LBHD1: variants seen among roughly 807,000 people sequenced by gnomAD.
The protein encoded by LBHD1 is LBH domain-containing protein 1.
Under a neutral mutation model 31.1 loss-of-function variants are expected in LBHD1, and 28 were observed. The observed-to-expected ratio is 0.90, with a 90% CI of 0.67 to 1.24. LBHD1 has a LOEUF of 1.24. Ranked by LOEUF, LBHD1 falls within the 50% of genes most tolerant of loss-of-function variation. LBHD1 has a pLI of 0.00. For missense variants in LBHD1, 350 were observed against 323.0 expected, an observed-to-expected ratio of 1.08 and a Z score of -0.64; for synonymous variants, 105 against 116.5, an observed-to-expected ratio of 0.90 and a Z score of 0.63.
intron 1 of LBHD1, 180 bp downstream of exon 1, chr11:62,671,384 G>A: frequency 7.9e-7 from 1 of 1,269,128 alleles, no homozygotes. Context: ...GCACAGCTCG[G>A]GCCTCTACTG....
chr11:62,671,546 C>G lies in LBHD1; in HGVS notation c.-11+18G>C, dbSNP rs1381617717. ...TGGTGCCAGCACTTCTTGGACACCT[C>G]AACCCCCTCAGCTAAACCTGAGATC... On this transcript the variant is annotated intron_variant, in intron 1 of 6. Transcript: ENST00000354588. 8.4e-6 allele frequency: 12 copies of G among 1,423,380 alleles called. No homozygotes were observed. Among genetic ancestry groups the G allele is most frequent in the Non-Finnish European group, 1.1e-5 (12 of 1,091,078 alleles). 88.2% of individuals were successfully genotyped at this position (1,423,380 alleles called of 1,614,324 possible).
rs994284811 is a variant in LBHD1 at position 62,664,781 on chromosome 11, C to A, written c.663+68G>T. 5.9e-6 allele frequency: 9 copies of A among 1,533,044 alleles called. No homozygotes were observed. In the African/African-American group the frequency reaches 1.2e-4, roughly 21 times the overall value. The allele number at this position is 1,533,044 out of a possible 1,614,324, so 95.0% of individuals were successfully genotyped here. On this transcript the variant is annotated intron_variant, in intron 5 of 6. Transcript: ENST00000354588. ...AGGTGAGCTGAGAGGTGAAGCTGCTCCGGAGCTCTGCAGGGAGGAAGGAAG... is the reference window on the plus strand; with the variant it reads ...AGGTGAGCTGAGAGGTGAAGCTGCTACGGAGCTCTGCAGGGAGGAAGGAAG...
In LBHD1 at chr11:62,669,497, T is replaced by C; in HGVS notation, c.313+144A>G. The C allele has an allele frequency of 2.0e-6, 3 of 1,498,988 alleles. No individual in the cohort carries two copies. In the South Asian group the frequency reaches 4.1e-5, roughly 21 times the overall value. 92.9% of individuals were successfully genotyped at this position (1,498,988 alleles called of 1,614,324 possible). A position where few individuals can be genotyped will look rare whatever the true frequency, so the allele number is the denominator to read the frequency against. ...CAATTCATCAACTTTGCCAGCTGCC[T>C]TTTCTCTCCCACATCTTCACATTTA... On this transcript the variant is annotated intron_variant, in intron 3 of 6. Coordinates refer to ENST00000354588, the MANE Select transcript of LBHD1 (RefSeq NM_024099.5).
chr11:62,664,994 A>C, intron 4 of LBHD1, 21 bp from the exon 5 acceptor site: 1 of 1,607,812 alleles, frequency 6.2e-7, no homozygotes, highest in Non-Finnish European at 8.5e-7. Flanking sequence ...GAAAGATGCG[A>C]ATCAGATGGA....
chr11:62,665,769 CT>C, intron 4 of LBHD1: 1 of 1,526,108 alleles, frequency 6.6e-7, no homozygotes, highest in Non-Finnish European at 8.8e-7. Context: ...TGTACGCCGC[CT>C]TTCGCTACGC....
intron 3 of LBHD1, chr11:62,668,560 C>G (rs559001252): frequency 1.3e-5 from 2 of 151,614 alleles, no homozygotes; most frequent in South Asian, 4.2e-4. Flanking sequence ...GCCTGTAATC[C>G]CAGCACTTTG....
intron 4 of LBHD1, chr11:62,666,480 T>C (rs1944816148): frequency 1.9e-6 from 3 of 1,613,866 alleles, no homozygotes; most frequent in Admixed American, 1.7e-5. Context: ...GTCCCCACCT[T>C]CGACTGGTTC....
rs147820734 is a variant in LBHD1, at chr11:62,664,031, C to A, written c.664-698G>T. On this transcript the variant is annotated intron_variant, in intron 5 of 6. Coordinates refer to ENST00000354588, the MANE Select transcript of LBHD1 (RefSeq NM_024099.5). ...GGGGTTGCAGTGAGCCGAGATCATG[C>A]CACTTCACTCCAGCCTGGGCAACAG... Among the ~76,000 whole-genome samples, 321 of 146,814 alleles carry A rather than the reference C, an allele frequency of 2.2e-3. 2 individuals carry two copies. The highest frequency in any genetic ancestry group is 7.6e-3 in the African/African-American group (302 of 39,932).
chr11:62,665,751 G>A (rs2134620622), intron 4 of LBHD1: 2 of 1,494,890 alleles, frequency 1.3e-6, no homozygotes, highest in Non-Finnish European at 1.8e-6. Flanking sequence ...TGCAGAGTTC[G>A]GGGAAGCTGT....
At position 62,664,653 on chromosome 11, in the gene LBHD1, C is replaced by A. The variant is rs150428897; in HGVS notation, c.663+196G>T. Among the ~76,000 whole-genome samples, 112 of 152,192 alleles carry A rather than the reference C, an allele frequency of 7.4e-4. 2 individuals carry two copies. The East Asian group carries it at 0.019, about 26-fold the overall frequency. ...GCTTTCCTGAGATTCTTAACAGAAT[C>A]CAAAACCCAAAGAAAGGTTGTCTGC... On this transcript the variant is annotated intron_variant, in intron 5 of 6. Coordinates refer to ENST00000354588, the MANE Select transcript of LBHD1 (RefSeq NM_024099.5).
rs1053554858 is a variant in LBHD1, at chr11:62,662,946, G to A, written c.*183C>T. On this transcript the variant is annotated 3_prime_UTR_variant, in exon 7 of 7. Coordinates refer to ENST00000354588, the MANE Select transcript of LBHD1 (RefSeq NM_024099.5). Reference sequence around the variant, plus strand: ...AGGTCAGTAGGCCATTAGGTAGGAGGAAATCTGGAGAGTGAAAAGGGGCCT... The same window carrying A: ...AGGTCAGTAGGCCATTAGGTAGGAGAAAATCTGGAGAGTGAAAAGGGGCCT... 2.3e-6 allele frequency: 2 copies of A among 867,772 alleles called. No homozygotes were observed. Among genetic ancestry groups the A allele is most frequent in the Middle Eastern group, 7.1e-4 (2 of 2,802 alleles). The allele number at this position is 867,772 out of a possible 1,614,324, so 53.8% of individuals were successfully genotyped here. A position where few individuals can be genotyped will look rare whatever the true frequency, so the allele number is the denominator to read the frequency against.
intron 3 of LBHD1, among the ~76,000 whole-genome samples, chr11:62,669,021 G>C (rs1944890897): frequency 6.6e-6 from 1 of 151,276 alleles, no homozygotes; most frequent in African/African-American, 2.4e-5. Context: ...CCACATCCCG[G>C]GTTCACGCCA....
In LBHD1 at chr11:62,671,795, G is replaced by A; in HGVS notation, c.-242C>T. ...ATCTCAGTCGCAATGCTGGGCGCAG[G>A]GGCTGGCGTGGGCTACGCGCTCCTC... is the stretch of plus-strand genomic sequence containing the variant. On this transcript the variant is annotated 5_prime_UTR_variant, in exon 1 of 7. Transcript: ENST00000354588. 3 of 1,614,148 alleles carry A rather than the reference G, an allele frequency of 1.9e-6. No homozygotes were observed. Among genetic ancestry groups the A allele is most frequent in the Non-Finnish European group, 1.7e-6 (2 of 1,180,030 alleles).
At chr11:62,665,925 G>A in intron 4 of LBHD1, 1 of 1,613,000 alleles carries the variant, frequency 6.2e-7, no homozygotes, top group South Asian at 1.1e-5. Flanking sequence ...CCTGATGATG[G>A]GGACGTGCCG....
In LBHD1 at chr11:62,663,041, G is replaced by T; in HGVS notation, c.*88C>A. On this transcript the variant is annotated 3_prime_UTR_variant, in exon 7 of 7. Coordinates refer to ENST00000354588, the MANE Select transcript of LBHD1 (RefSeq NM_024099.5). The stretch of plus-strand genomic sequence containing the variant: ...TGGCTCCAGTTGAGAATCTTCTAGT[G>T]GAAGAGGTTTAGCTCTCATCTTCAA... The T allele has an allele frequency of 6.4e-7, 1 of 1,554,186 alleles. No individual in the cohort carries two copies. Among genetic ancestry groups the T allele is most frequent in the Non-Finnish European group, 8.8e-7 (1 of 1,131,292 alleles).
intron 5 of LBHD1, among the ~76,000 whole-genome samples, chr11:62,664,436 T>C (rs1341667664): frequency 1.3e-5 from 2 of 149,738 alleles, no homozygotes; most frequent in Non-Finnish European, 3.0e-5. Context: ...GTTCAAGCAA[T>C]TCTCCTGCCT....
At chr11:62,665,132 G>A (rs953443621) in intron 4 of LBHD1, 159 bp from the exon 5 acceptor site, 8 of 1,087,244 alleles carry the variant, frequency 7.4e-6, no homozygotes, top group African/African-American at 4.7e-5. Flanking sequence ...CACAGTCACC[G>A]TTCGGGGCCG....
intron 4 of LBHD1, chr11:62,666,895 C>T (rs1459761640): frequency 4.3e-6 from 7 of 1,614,062 alleles, no homozygotes; most frequent in Middle Eastern, 1.6e-4. Flanking sequence ...GGGTTCTAAA[C>T]CCTCAGGGGA....
chr11:62,667,610 A>G lies in LBHD1; in HGVS notation c.451T>C (p.Cys151Arg), dbSNP rs1381752060. ...DTACLEATNH[C>R]PFWDSTGSRV... is the part of the protein sequence containing the mutation. ...GAGCCTGTTGAGTCCCAGAAGGGACAGTGGTTGGTGGCTTCCAGACATGCT... is the reference window on the plus strand; with the variant it reads ...GAGCCTGTTGAGTCCCAGAAGGGACGGTGGTTGGTGGCTTCCAGACATGCT... The change falls in exon 4 of 7, where the codon TGT becomes CGT. Residue 151 changes from cysteine to arginine, a missense_variant. By Grantham distance (180) the Cys-to-Arg change is radical (BLOSUM62 -3). Transcript: ENST00000354588. 10 of 1,614,192 alleles carry G rather than the reference A, an allele frequency of 6.2e-6. No individual in the cohort carries two copies. Among genetic ancestry groups the G allele is most frequent in the Non-Finnish European group, 8.5e-6 (10 of 1,180,040 alleles).
Sources: allele counts gnomAD v4.1 joint callset (sites outside exome capture counted in the v4.1 genomes callset), GRCh38; gene constraint gnomAD v4.1.1; transcripts MANE v1.5; gene names NCBI Gene and HGNC (gene_info 2026-07-23, HGNC 2026-07-21).